Variants in KAZN observed in about 807,000 individuals in gnomAD.
The protein encoded by KAZN is kazrin.
In KAZN, 40 loss-of-function variants were observed where a neutral mutation model predicts 87.4. That is an observed-to-expected ratio of 0.46 (90% CI 0.36 to 0.60). The LOEUF (loss-of-function observed/expected upper bound fraction) is 0.60, where lower values mean the gene tolerates loss of function less well. KAZN is among the 20% of genes least tolerant of loss of function. The pLI is 0.00. For synonymous variants in KAZN, 466 were observed against 458.3 expected (o/e 1.02, Z -0.22); for missense variants, 898 against 1,073.9 (o/e 0.84, Z 2.29).
Position 13,915,621 on chromosome 1 carries a change from C to T in KAZN, c.91+21865C>T, listed in dbSNP as rs568964848. 2.7e-3 allele frequency among the ~76,000 whole-genome samples: 411 copies of T among 152,342 alleles called. 1 individual carries two copies. Among genetic ancestry groups the T allele is most frequent in the African/African-American group, 9.5e-3 (394 of 41,568 alleles). Reference sequence around the variant, plus strand: ...TTCCACCTCAGCGCCCAGTTGCCCTCTGCTCCCACCCTAGGTTGGAACATC... The same window carrying T: ...TTCCACCTCAGCGCCCAGTTGCCCTTTGCTCCCACCCTAGGTTGGAACATC... On this transcript the variant is annotated intron_variant, in intron 1 of 16. Coordinates refer to the KAZN transcript ENST00000636203.
At chr1:15,019,505 C>T (rs1314683839) in intron 2 of KAZN, among the ~76,000 whole-genome samples, 3 of 152,210 alleles carry the variant, frequency 2.0e-5, no homozygotes, top group Non-Finnish European at 2.9e-5. Flanking sequence ...TCTTGTGCCT[C>T]GGCCTCCCTA....
At chr1:15,018,453 A>G (rs1670344643) in intron 2 of KAZN, among the ~76,000 whole-genome samples, 6 of 151,864 alleles carry the variant, frequency 4.0e-5, no homozygotes, top group Admixed American at 3.9e-4. Context: ...GGAGAAGACA[A>G]GAAAATTGTT....
intron 2 of KAZN, among the ~76,000 whole-genome samples, chr1:14,998,420 G>A (rs10927626): frequency 2.6e-5 from 4 of 152,026 alleles, no homozygotes; most frequent in Non-Finnish European, 4.4e-5. Flanking sequence ...GGGGACTTTG[G>A]GGGTTAGACC....
intron 1 of KAZN, among the ~76,000 whole-genome samples, chr1:14,627,718 A>G (rs972999083): frequency 2.0e-5 from 3 of 152,176 alleles, no homozygotes; most frequent in African/African-American, 7.2e-5. Flanking sequence ...GCTGACAAAC[A>G]GAGAGCCAGG....
At chr1:14,197,701 A>C (rs990531952) in intron 2 of KAZN, among the ~76,000 whole-genome samples, 9 of 152,178 alleles carry the variant, frequency 5.9e-5, no homozygotes, top group Admixed American at 3.9e-4. Context: ...CAAAACAATA[A>C]CAACAACAAA....
intron 2 of KAZN, among the ~76,000 whole-genome samples, chr1:14,324,253 T>A (rs1335833357): frequency 6.6e-6 from 1 of 152,218 alleles, no homozygotes; most frequent in Admixed American, 6.5e-5. Context: ...ATTAGTGCCA[T>A]ATATTGTAGG....
chr1:14,740,922 C>G (rs1644078107), intron 1 of KAZN, among the ~76,000 whole-genome samples: 1 of 152,202 alleles, frequency 6.6e-6, no homozygotes. Flanking sequence ...AGACACTTTC[C>G]CTCCATGGTG....
intron 2 of KAZN, among the ~76,000 whole-genome samples, chr1:14,222,637 G>A (rs596071): frequency 0.46 from 70,413 of 152,020 alleles, 17,578 homozygotes; most frequent in Non-Finnish European, 0.56. Flanking sequence ...GGCTGTTATA[G>A]TCTCCATACC....
At chr1:14,433,534 G>T (rs1666203871) in intron 2 of KAZN, among the ~76,000 whole-genome samples, 1 of 152,144 alleles carries the variant, frequency 6.6e-6, no homozygotes, top group Non-Finnish European at 1.5e-5. Flanking sequence ...CGAGGGAGGG[G>T]CTGTTGTAAT....
chr1:15,039,401 G>A (rs1304276448), intron 3 of KAZN, among the ~76,000 whole-genome samples: 1 of 152,122 alleles, frequency 6.6e-6, no homozygotes, highest in Non-Finnish European at 1.5e-5. Context: ...ACACCACTCA[G>A]TGCATGTTCA....
At chr1:14,447,293 C>A (rs1406908487) in intron 2 of KAZN, among the ~76,000 whole-genome samples, 1 of 150,256 alleles carries the variant, frequency 6.7e-6, no homozygotes, top group Non-Finnish European at 1.5e-5. Flanking sequence ...GGCTGGAGTG[C>A]AGTGGCGTGA....
chr1:13,940,504 T>C (rs12039086), intron 1 of KAZN, among the ~76,000 whole-genome samples: 8,533 of 152,262 alleles, frequency 0.056, 372 homozygotes, highest in African/African-American at 0.11. Flanking sequence ...TCATTTTTGA[T>C]TGTGTATATT....
intron 1 of KAZN, among the ~76,000 whole-genome samples, chr1:14,733,097 G>C (rs770038560): frequency 6.6e-6 from 1 of 152,102 alleles, no homozygotes; most frequent in Non-Finnish European, 1.5e-5. Context: ...AGACAAGTGC[G>C]CTGAGTGTTT....
At chr1:14,397,764 GAT>G (rs1343004134) in intron 2 of KAZN, among the ~76,000 whole-genome samples, 3 of 148,908 alleles carry the variant, frequency 2.0e-5, no homozygotes, top group Non-Finnish European at 4.4e-5. Context: ...GGGAGGCTGA[GAT>G]AGGAGAATCA....
At chr1:14,267,359 C>CAAAAAAAAAAAAAAA (rs61641430) in intron 2 of KAZN, among the ~76,000 whole-genome samples, 4 of 64,752 alleles carry the variant, frequency 6.2e-5, no homozygotes, top group African/African-American at 1.7e-4. Flanking sequence ...AGCCGATAAG[C>CAAAAAAAAAAAAAAA]AAAAAAAAAA....
chr1:14,571,128 AT>A (rs1304424113), intron 2 of KAZN, among the ~76,000 whole-genome samples: 4 of 152,030 alleles, frequency 2.6e-5, no homozygotes, highest in East Asian at 1.9e-4. Context: ...CTATATTTGG[AT>A]TTTTTTATTT....
At chr1:15,109,917 G>A (rs368587161) in intron 13 of KAZN, among the ~76,000 whole-genome samples, 19 of 104,554 alleles carry the variant, frequency 1.8e-4, no homozygotes, top group African/African-American at 6.6e-4. Flanking sequence ...GTGTATGTTT[G>A]TGTATGGGTG....
chr1:14,802,082 C>T (rs553091865), intron 1 of KAZN, among the ~76,000 whole-genome samples: 194 of 152,088 alleles, frequency 1.3e-3, no homozygotes, highest in African/African-American at 4.4e-3. Flanking sequence ...AGAAAGCTTT[C>T]GTCGACTCTC....
intron 1 of KAZN, among the ~76,000 whole-genome samples, chr1:13,977,072 G>A (rs1638399274): frequency 6.6e-6 from 1 of 152,176 alleles, no homozygotes. Flanking sequence ...GTTGAATACA[G>A]GTTGGTTCCC....
Sources: allele counts gnomAD v4.1 joint callset (sites outside exome capture counted in the v4.1 genomes callset), GRCh38; gene constraint gnomAD v4.1.1; transcripts MANE v1.5; gene names NCBI Gene and HGNC (gene_info 2026-07-23, HGNC 2026-07-21).